KIAA1328: variants seen among roughly 807,000 people sequenced by gnomAD.
The protein encoded by KIAA1328 is KIAA1328, also known as protein hinderin.
KIAA1328 carries 52 observed loss-of-function variants against 68.1 expected under a neutral mutation model. The observed-to-expected ratio is 0.76, with a 90% CI of 0.61 to 0.96. The LOEUF (loss-of-function observed/expected upper bound fraction) is 0.96. Among genes scored for constraint, KIAA1328 ranks in the 40% least tolerant of loss-of-function variants. The pLI is 0.00. For missense variants in KIAA1328, 641 were observed against 677.6 expected, an observed-to-expected ratio of 0.95 and a Z score of 0.60; for synonymous variants, 232 against 239.4, an observed-to-expected ratio of 0.97 and a Z score of 0.28.
intron 7 of KIAA1328, among the ~76,000 whole-genome samples, chr18:37,090,955 A>G (rs1052485452): frequency 5.9e-5 from 9 of 152,176 alleles, no homozygotes; most frequent in Non-Finnish European, 5.9e-5. Context: ...AATAGCCTCA[A>G]TTGAAGGTAT....
chr18:36,933,760 C>A (rs1172837618), intron 5 of KIAA1328, among the ~76,000 whole-genome samples: 1 of 152,196 alleles, frequency 6.6e-6, no homozygotes. Context: ...GCAGGGGAGG[C>A]TGCATTGTAC....
At chr18:37,149,864 C>T (rs1177234695) in intron 7 of KIAA1328, among the ~76,000 whole-genome samples, 1 of 151,966 alleles carries the variant, frequency 6.6e-6, no homozygotes, top group Non-Finnish European at 1.5e-5. Context: ...ATTAATAATC[C>T]TTTTCAAGAT....
chr18:37,099,961 A>G (rs2057547472), intron 7 of KIAA1328, among the ~76,000 whole-genome samples: 1 of 152,062 alleles, frequency 6.6e-6, no homozygotes, highest in Non-Finnish European at 1.5e-5. Context: ...TTTTGAGCCT[A>G]TGTGTGTCTT....
At chr18:37,118,043 C>T (rs1462497335) in intron 7 of KIAA1328, among the ~76,000 whole-genome samples, 1 of 143,522 alleles carries the variant, frequency 7.0e-6, no homozygotes, top group African/African-American at 2.7e-5. Context: ...TCAATTTGGT[C>T]GCTCAGGCTG....
chr18:37,073,256 A>G (rs1202051339), intron 7 of KIAA1328, among the ~76,000 whole-genome samples: 1 of 152,218 alleles, frequency 6.6e-6, no homozygotes, highest in Non-Finnish European at 1.5e-5. Context: ...AATTTTTGCA[A>G]TCTACCCATC....
intron 5 of KIAA1328, among the ~76,000 whole-genome samples, chr18:36,887,427 T>G (rs2048537483): frequency 6.6e-6 from 1 of 152,096 alleles, no homozygotes. Context: ...GGTTTAACAT[T>G]TTCAGTGCTG....
Position 37,225,065 on chromosome 18 carries a change from A to T in KIAA1328, c.*2838A>T. Reference sequence around the variant, plus strand: ...CCCCAAATGTCATGGGGAGAGAGGGACTCTTTCTGCTCCCTCAGAGCTACT... The same window carrying T: ...CCCCAAATGTCATGGGGAGAGAGGGTCTCTTTCTGCTCCCTCAGAGCTACT... On this transcript the variant is annotated 3_prime_UTR_variant, in exon 10 of 10. Transcript: ENST00000280020. 1.0e-6 allele frequency: 1 copy of T among 985,092 alleles called. No homozygotes were observed. The highest frequency in any genetic ancestry group is 1.2e-6 in the Non-Finnish European group (1 of 829,884). 61.0% of individuals were successfully genotyped at this position (985,092 alleles called of 1,614,324 possible).
chr18:36,964,749 GTATATTACCCCATTATCT>G (rs2051843877), intron 6 of KIAA1328, among the ~76,000 whole-genome samples: 1 of 152,062 alleles, frequency 6.6e-6, no homozygotes, highest in South Asian at 2.1e-4. Flanking sequence ...TTTGATGTGT[GTATATTACCCCATTATCT>G]TATCTTAATA....
chr18:37,188,018 A>C (rs1372233676), intron 9 of KIAA1328, among the ~76,000 whole-genome samples: 1 of 152,242 alleles, frequency 6.6e-6, no homozygotes, highest in Non-Finnish European at 1.5e-5. Flanking sequence ...AATGAAAGTA[A>C]GATAGATTAC....
intron 6 of KIAA1328, among the ~76,000 whole-genome samples, chr18:36,966,373 G>A (rs1184623011): frequency 1.3e-5 from 2 of 152,124 alleles, no homozygotes; most frequent in African/African-American, 2.4e-5. Context: ...AACAATTTTA[G>A]ACACCTGAAT....
At chr18:37,087,656 C>G (rs1050474512) in intron 7 of KIAA1328, among the ~76,000 whole-genome samples, 3 of 152,138 alleles carry the variant, frequency 2.0e-5, no homozygotes, top group African/African-American at 7.2e-5. Flanking sequence ...TCACCATGAT[C>G]AGGTAGGCAC....
chr18:36,965,514 G>A (rs1027493303), intron 6 of KIAA1328, among the ~76,000 whole-genome samples: 2 of 2,126 alleles, frequency 9.4e-4, no homozygotes, highest in South Asian at 0.023. Flanking sequence ...TTAGCCAGGC[G>A]TGGTGGCCAC....
At chr18:37,042,893 C>T (rs1210470220) in intron 6 of KIAA1328, among the ~76,000 whole-genome samples, 1 of 152,118 alleles carries the variant, frequency 6.6e-6, no homozygotes, top group Non-Finnish European at 1.5e-5. Flanking sequence ...TGCTTTGTCT[C>T]CCACAGGTCT....
chr18:37,049,603 G>A (rs772843731), intron 6 of KIAA1328, among the ~76,000 whole-genome samples: 1 of 152,076 alleles, frequency 6.6e-6, no homozygotes, highest in Non-Finnish European at 1.5e-5. Flanking sequence ...AAATCTCTTC[G>A]GTTTGGTAGT....
rs757077988 is a variant in KIAA1328, at chr18:36,873,893, T to C, written c.333-11664T>C. Reference sequence around the variant, plus strand: ...TGATGTTCCCCTCCCTGTGCCCATATGTTTTCATGGTTCAACTCCCACTTA... The same window carrying C: ...TGATGTTCCCCTCCCTGTGCCCATACGTTTTCATGGTTCAACTCCCACTTA... On this transcript the variant is annotated intron_variant, in intron 4 of 9. Transcript: ENST00000280020. 2.0e-5 allele frequency among the ~76,000 whole-genome samples: 3 copies of C among 152,196 alleles called. 1 individual carries two copies. The highest frequency in any genetic ancestry group is 4.1e-4 in the South Asian group (2 of 4,830).
intron 4 of KIAA1328, among the ~76,000 whole-genome samples, chr18:36,881,004 C>A (rs1007889643): frequency 6.6e-6 from 1 of 152,010 alleles, no homozygotes; most frequent in African/African-American, 2.4e-5. Context: ...CTATACTTAT[C>A]AGATAGATTG....
At chr18:36,911,593 T>C (rs955866268) in intron 5 of KIAA1328, among the ~76,000 whole-genome samples, 2 of 152,178 alleles carry the variant, frequency 1.3e-5, no homozygotes, top group South Asian at 2.1e-4. Context: ...AGCCATCTGC[T>C]TTCTAAAGCA....
In KIAA1328 at chr18:37,225,204, A is replaced by T; in HGVS notation, c.*2977A>T. On this transcript the variant is annotated 3_prime_UTR_variant, in exon 10 of 10. Transcript: ENST00000280020. ...AGCTGGACGAAGTCTGCTAAGAGAG[A>T]TGGAGGCTGTGGCGGACTCCTTCCA... 2 of 985,504 alleles carry T rather than the reference A, an allele frequency of 2.0e-6. No homozygotes were observed. Among genetic ancestry groups the T allele is most frequent in the Non-Finnish European group, 2.4e-6 (2 of 829,960 alleles). 61.0% of individuals were successfully genotyped at this position (985,504 alleles called of 1,614,324 possible).
chr18:36,912,901 A>G (rs542648357), intron 5 of KIAA1328, among the ~76,000 whole-genome samples: 1 of 152,330 alleles, frequency 6.6e-6, no homozygotes, highest in South Asian at 2.1e-4. Flanking sequence ...GATAGCAATT[A>G]TAAACATTCC....
Sources: gnomAD v4.1 joint callset for allele counts (sites outside exome capture counted in the v4.1 genomes callset) on GRCh38, gnomAD v4.1.1 for gene constraint, MANE v1.5 for transcripts, NCBI Gene and HGNC (gene_info 2026-07-23, HGNC 2026-07-21) for gene names.